Variants in PTPRM observed in about 807,000 individuals in gnomAD.
PTPRM encodes the protein protein tyrosine phosphatase receptor type M.
PTPRM carries 47 observed loss-of-function variants against 186.7 expected under a neutral mutation model. The observed-to-expected ratio is 0.25, with a 90% CI of 0.20 to 0.32. The LOEUF (loss-of-function observed/expected upper bound fraction) is 0.32. PTPRM is among the 10% of genes least tolerant of loss of function. The pLI, the probability that PTPRM is intolerant of heterozygous loss-of-function variation, is 1.00. For synonymous variants in PTPRM, 668 were observed against 674.9 expected, an observed-to-expected ratio of 0.99 and a Z score of 0.16; for missense variants, 1,494 against 1,865.0, an observed-to-expected ratio of 0.80 and a Z score of 3.66.
intron 6 of PTPRM, 43 bp from the exon 7 acceptor site, chr18:7,955,078 A>G (rs1396215276): frequency 6.5e-7 from 1 of 1,528,886 alleles, no homozygotes; most frequent in East Asian, 2.3e-5. Context: ...TTTAAGACTG[A>G]AGACAAAGCA....
chr18:8,114,708 C>A, intron 12 of PTPRM, 83 bp from the exon 13 acceptor site: 1 of 1,073,988 alleles, frequency 9.3e-7, no homozygotes, highest in Non-Finnish European at 1.4e-6. Flanking sequence ...CTTATCAGTG[C>A]TATTTAAATA....
At chr18:7,598,903 A>T (rs902199405) in intron 1 of PTPRM, among the ~76,000 whole-genome samples, 2 of 151,978 alleles carry the variant, frequency 1.3e-5, no homozygotes, top group African/African-American at 4.8e-5. Flanking sequence ...TTCCTAAAGG[A>T]TATAAACTCT....
chr18:7,987,375 A>G (rs2083020849), intron 7 of PTPRM, among the ~76,000 whole-genome samples: 1 of 152,342 alleles, frequency 6.6e-6, no homozygotes. Context: ...AGAAACATTT[A>G]TTATCTATAA....
At chr18:7,576,268 C>T (rs539136246) in intron 1 of PTPRM, among the ~76,000 whole-genome samples, 2 of 152,282 alleles carry the variant, frequency 1.3e-5, no homozygotes, top group South Asian at 2.1e-4. Flanking sequence ...ATTTTAATCT[C>T]TCTTTCTATT....
At chr18:7,725,674 G>A (rs2040534019) in intron 1 of PTPRM, among the ~76,000 whole-genome samples, 1 of 152,144 alleles carries the variant, frequency 6.6e-6, no homozygotes, top group Admixed American at 6.5e-5. Context: ...ACAGTTTGAT[G>A]ATGTTGCTTT....
intron 7 of PTPRM, among the ~76,000 whole-genome samples, chr18:7,991,114 A>G (rs1437296649): frequency 2.0e-5 from 3 of 152,216 alleles, no homozygotes; most frequent in African/African-American, 7.2e-5. Flanking sequence ...GCTTTTCTGC[A>G]TCTTCCATGA....
chr18:8,072,922 T>A (rs2089577386), intron 8 of PTPRM, among the ~76,000 whole-genome samples: 1 of 152,206 alleles, frequency 6.6e-6, no homozygotes, highest in Non-Finnish European at 1.5e-5. Context: ...ATTGTTTTAA[T>A]TTACATTGTC....
chr18:7,794,653 C>T (rs2043522214), intron 2 of PTPRM, among the ~76,000 whole-genome samples: 1 of 152,190 alleles, frequency 6.6e-6, no homozygotes, highest in African/African-American at 2.4e-5. Flanking sequence ...CTCAATCACA[C>T]TGCTGACAGT....
intron 13 of PTPRM, among the ~76,000 whole-genome samples, chr18:8,124,969 G>A (rs1163027189): frequency 6.6e-6 from 1 of 152,046 alleles, no homozygotes; most frequent in Non-Finnish European, 1.5e-5. Context: ...CTGTTGTACT[G>A]GTACGTGGTG....
chr18:7,952,992 C>A (rs897107902), intron 6 of PTPRM, among the ~76,000 whole-genome samples: 8 of 152,170 alleles, frequency 5.3e-5, no homozygotes, highest in African/African-American at 1.7e-4. Flanking sequence ...GGTGACAGAG[C>A]AAGATTCTGT....
rs138889023 is a variant in PTPRM, at chr18:8,113,671, A to G, written c.2042A>G (p.Asn681Ser). Residue 681 changes from asparagine to serine, a missense_variant, in exon 12 of 33, where the codon AAT becomes AGT. Transcript: ENST00000580170. ...GCGCAGCCTTTTACAATTGGTGATA[A>G]TAAGACATATAATGGATACTGGAAC... ...QAAQPFTIGD[N>S]KTYNGYWNTP... 2.0e-4 allele frequency: 317 copies of G among 1,613,694 alleles called. No individual in the cohort carries two copies. The highest frequency in any genetic ancestry group is 2.6e-4 in the Non-Finnish European group (304 of 1,179,712).
At chr18:7,633,670 C>T (rs1730780857) in intron 1 of PTPRM, among the ~76,000 whole-genome samples, 1 of 152,184 alleles carries the variant, frequency 6.6e-6, no homozygotes, top group African/African-American at 2.4e-5. Context: ...CACTTGGAAC[C>T]TTTGATCCCC....
chr18:7,990,949 T>C (rs1331989116), intron 7 of PTPRM, among the ~76,000 whole-genome samples: 1 of 152,126 alleles, frequency 6.6e-6, no homozygotes, highest in Non-Finnish European at 1.5e-5. Context: ...ATGGAGGTCT[T>C]GTGAAAATGA....
At chr18:7,686,382 AC>A (rs1195452596) in intron 1 of PTPRM, among the ~76,000 whole-genome samples, 3 of 152,204 alleles carry the variant, frequency 2.0e-5, no homozygotes, top group Non-Finnish European at 4.4e-5. Context: ...TTTAAAAAAC[AC>A]TTTTGCCTTA....
chr18:7,924,218 C>T (rs2051037861), intron 4 of PTPRM, among the ~76,000 whole-genome samples: 1 of 152,144 alleles, frequency 6.6e-6, no homozygotes, highest in African/African-American at 2.4e-5. Context: ...GTGGCCCACA[C>T]AGTGGTGGTG....
At chr18:7,749,949 G>A (rs2041133119) in intron 1 of PTPRM, among the ~76,000 whole-genome samples, 1 of 152,208 alleles carries the variant, frequency 6.6e-6, no homozygotes, top group South Asian at 2.1e-4. Flanking sequence ...AATGGCTTAA[G>A]AGGCCTGCTG....
intron 1 of PTPRM, among the ~76,000 whole-genome samples, chr18:7,656,554 A>G (rs776637587): frequency 7.2e-5 from 11 of 152,116 alleles, no homozygotes; most frequent in Non-Finnish European, 1.5e-4. Context: ...ATTTTATGTT[A>G]TTTGTATTTT....
At chr18:8,321,230 C>A (rs1316371738) in intron 22 of PTPRM, among the ~76,000 whole-genome samples, 45 of 152,162 alleles carry the variant, frequency 3.0e-4, no homozygotes, top group Non-Finnish European at 1.8e-4. Context: ...AGCTTCATTT[C>A]TCTCCAATAA....
intron 5 of PTPRM, among the ~76,000 whole-genome samples, chr18:7,945,289 T>C (rs1483328925): frequency 1.1e-5 from 1 of 94,138 alleles, no homozygotes; most frequent in Non-Finnish European, 2.2e-5. Flanking sequence ...CCATCTCTAC[T>C]AAAAATACAA....
Sources: allele counts gnomAD v4.1 joint callset (sites outside exome capture counted in the v4.1 genomes callset), GRCh38; gene constraint gnomAD v4.1.1; transcripts MANE v1.5; gene names NCBI Gene and HGNC (gene_info 2026-07-23, HGNC 2026-07-21).